Variants in FBXL17 observed in about 807,000 individuals in gnomAD.
FBXL17 encodes F-box/LRR-repeat protein 17.
In FBXL17, 22 loss-of-function variants were observed where a neutral mutation model predicts 66.2. That is an observed-to-expected ratio of 0.33 (90% CI 0.24 to 0.47). The LOEUF (loss-of-function observed/expected upper bound fraction) is 0.47, where lower values mean the gene tolerates loss of function less well. Ranked by LOEUF, FBXL17 falls within the 20% of genes least tolerant of loss-of-function variation. The pLI, the probability that FBXL17 is intolerant of heterozygous loss-of-function variation, is 1.00. For synonymous variants in FBXL17, 474 were observed against 400.5 expected (o/e 1.18, Z -2.19); for missense variants, 878 against 948.2 (o/e 0.93, Z 0.97).
At chr5:108,032,847 A>G (rs1029483325) in intron 6 of FBXL17, among the ~76,000 whole-genome samples, 5 of 152,216 alleles carry the variant, frequency 3.3e-5, no homozygotes, top group Non-Finnish European at 7.3e-5. Flanking sequence ...AATGATATTA[A>G]TCACTGGATT....
intron 5 of FBXL17, among the ~76,000 whole-genome samples, 155 bp downstream of exon 5, chr5:108,223,966 G>A (rs1754984052): frequency 6.6e-6 from 1 of 151,968 alleles, no homozygotes; most frequent in Admixed American, 6.6e-5. Flanking sequence ...GGATAAGTTT[G>A]GTATTGCTTT....
chr5:108,024,407 G>A (rs1478432671), intron 6 of FBXL17, among the ~76,000 whole-genome samples: 1 of 152,110 alleles, frequency 6.6e-6, no homozygotes, highest in East Asian at 1.9e-4. Flanking sequence ...CTTACCTCCA[G>A]GGAATCACAG....
At chr5:107,889,527 A>C (rs1749122497) in intron 7 of FBXL17, among the ~76,000 whole-genome samples, 1 of 152,198 alleles carries the variant, frequency 6.6e-6, no homozygotes, top group Non-Finnish European at 1.5e-5. Flanking sequence ...TTCGTTTTAT[A>C]TAACTCTGCT....
At chr5:107,992,457 G>A (rs1265928155) in intron 7 of FBXL17, among the ~76,000 whole-genome samples, 1 of 152,038 alleles carries the variant, frequency 6.6e-6, no homozygotes, top group African/African-American at 2.4e-5. Context: ...TATAAAAAAG[G>A]CTATAAGTCT....
At position 108,230,836 on chromosome 5, in the gene FBXL17, T is replaced by A. The variant is rs1025344838; in HGVS notation, c.1507-6608A>T. ...GAGGGATAAAAGACTACAAATAGGG[T>A]GCAGTGTATACTGCCCGGGTGATGG... On this transcript the variant is annotated intron_variant, in intron 4 of 8. Transcript: ENST00000542267. 5.9e-5 allele frequency among the ~76,000 whole-genome samples: 9 copies of A among 151,758 alleles called. No homozygotes were observed. In the East Asian group the frequency reaches 1.7e-3, roughly 29 times the overall value.
chr5:108,244,082 A>G (rs1379690626), intron 4 of FBXL17, among the ~76,000 whole-genome samples: 1 of 152,090 alleles, frequency 6.6e-6, no homozygotes, highest in Non-Finnish European at 1.5e-5. Flanking sequence ...CTGTGTTTTT[A>G]TTCTTCAGCC....
chr5:108,010,985 G>C (rs558099804), intron 7 of FBXL17, among the ~76,000 whole-genome samples: 2 of 152,294 alleles, frequency 1.3e-5, no homozygotes, highest in South Asian at 4.1e-4. Context: ...GAGATGAAAA[G>C]GGAAAGACCT....
At chr5:108,267,762 TC>T (rs1170789512) in intron 4 of FBXL17, among the ~76,000 whole-genome samples, 2 of 151,966 alleles carry the variant, frequency 1.3e-5, no homozygotes, top group Non-Finnish European at 2.9e-5. Context: ...TCAGATAAAG[TC>T]AGATACGAGG....
chr5:107,873,567 T>A lies in FBXL17; in HGVS notation c.1965+7470A>T, dbSNP rs568456508. Among the ~76,000 whole-genome samples, 51 of 152,320 alleles carry A rather than the reference T, an allele frequency of 3.3e-4. No homozygotes were observed. In the South Asian group the frequency reaches 0.01, roughly 31 times the overall value. On this transcript the variant is annotated intron_variant, in intron 8 of 8. Transcript: ENST00000542267. ...CTGCTGGATGGCCAGGCCTGGCATG[T>A]GGGCTGAGCCATTCCTTCTCCACCT...
chr5:107,950,636 T>A (rs893525201), intron 7 of FBXL17, among the ~76,000 whole-genome samples: 1 of 152,104 alleles, frequency 6.6e-6, no homozygotes, highest in African/African-American at 2.4e-5. Flanking sequence ...AATTTTGCAG[T>A]GATAGTAAAA....
At chr5:108,365,651 T>A (rs1219606768) in intron 2 of FBXL17, among the ~76,000 whole-genome samples, 1 of 152,052 alleles carries the variant, frequency 6.6e-6, no homozygotes, top group African/African-American at 2.4e-5. Flanking sequence ...AACTCACAAG[T>A]TTATAATTGG....
intron 8 of FBXL17, among the ~76,000 whole-genome samples, chr5:107,871,072 A>AAAAAAAAAAAAAAAC (rs1748439777): frequency 6.6e-6 from 1 of 150,844 alleles, no homozygotes; most frequent in Non-Finnish European, 1.5e-5. Flanking sequence ...AAAAAAAAAA[A>AAAAAAAAAAAAAAAC]AAAAAAACCT....
At chr5:108,018,820 T>C (rs1013595567) in intron 7 of FBXL17, among the ~76,000 whole-genome samples, 18 of 152,126 alleles carry the variant, frequency 1.2e-4, no homozygotes, top group Admixed American at 2.0e-4. Flanking sequence ...TGCCTGACAT[T>C]ATCTTCATTT....
At chr5:108,051,043 G>A (rs1247342054) in intron 6 of FBXL17, among the ~76,000 whole-genome samples, 1 of 152,170 alleles carries the variant, frequency 6.6e-6, no homozygotes, top group Non-Finnish European at 1.5e-5. Context: ...CCAAGAAGAA[G>A]CTGAATCCCT....
At chr5:107,988,208 T>C (rs1249476147) in intron 7 of FBXL17, among the ~76,000 whole-genome samples, 1 of 152,052 alleles carries the variant, frequency 6.6e-6, no homozygotes, top group African/African-American at 2.4e-5. Flanking sequence ...TACAATATCC[T>C]GAGTTCTGTG....
intron 7 of FBXL17, among the ~76,000 whole-genome samples, chr5:107,887,687 T>C (rs1179098511): frequency 6.6e-6 from 1 of 152,188 alleles, no homozygotes; most frequent in Non-Finnish European, 1.5e-5. Flanking sequence ...TCATGGTCCC[T>C]GCGAAGGCTC....
At chr5:108,213,309 T>C (rs1754456567) in intron 5 of FBXL17, among the ~76,000 whole-genome samples, 1 of 152,192 alleles carries the variant, frequency 6.6e-6, no homozygotes, top group South Asian at 2.1e-4. Context: ...AATGGTTCTG[T>C]CTTGCTGGTG....
At chr5:108,051,367 G>A (rs1007907608) in intron 6 of FBXL17, among the ~76,000 whole-genome samples, 2 of 152,180 alleles carry the variant, frequency 1.3e-5, no homozygotes, top group African/African-American at 4.8e-5. Context: ...AAATCCAGCA[G>A]CACATCACAA....
At position 108,078,569 on chromosome 5, in the gene FBXL17, C is replaced by T. The variant is rs147772503; in HGVS notation, c.1746-57568G>A. On this transcript the variant is annotated intron_variant, in intron 6 of 8. Coordinates refer to ENST00000542267, the MANE Select transcript of FBXL17 (RefSeq NM_001163315.3). The stretch of plus-strand genomic sequence containing the variant: ...AGCGGGCCTTCTCTAGCTGGGATCT[C>T]GGAAAGATTAACCCAGAGTTTGACA... Among the ~76,000 whole-genome samples the T allele has an allele frequency of 4.8e-3, 738 of 152,208 alleles. 5 individuals carry two copies. Among genetic ancestry groups the T allele is most frequent in the African/African-American group, 0.017 (713 of 41,520 alleles).
Sources: gnomAD v4.1 joint callset for allele counts (sites outside exome capture counted in the v4.1 genomes callset) on GRCh38, gnomAD v4.1.1 for gene constraint, MANE v1.5 for transcripts, NCBI Gene and HGNC (gene_info 2026-07-23, HGNC 2026-07-21) for gene names.